The following RPL38 variants were observed in gnomAD, a reference collection of about 807,000 sequenced individuals.
RPL38 encodes large ribosomal subunit protein eL38.
A neutral mutation model predicts 12.8 loss-of-function variants in RPL38; 2 were observed. The observed-to-expected ratio is 0.16, with a 90% confidence interval of 0.06 to 0.49. The LOEUF (loss-of-function observed/expected upper bound fraction) is 0.49, where lower values mean the gene tolerates loss of function less well. Ranked by LOEUF, RPL38 falls within the 20% of genes least tolerant of loss-of-function variation. The pLI is 0.96. For missense variants in RPL38, 52 were observed against 79.8 expected (o/e 0.65, Z 1.33); for synonymous variants, 42 against 30.1 (o/e 1.39, Z -1.29).
At chr17:74,209,766 G>A (rs756252205) in intron 4 of RPL38, 38 bp from the exon 5 acceptor site, 1 of 1,601,670 alleles carries the variant, frequency 6.2e-7, no homozygotes, top group South Asian at 1.1e-5. Flanking sequence ...ACTCAGATGT[G>A]TCTTCTGGAT....
chr17:74,203,935 A>C lies in RPL38; in HGVS notation c.-21A>C. 1 of 1,603,232 alleles carries C rather than the reference A, an allele frequency of 6.2e-7. No individual in the cohort carries two copies. The highest frequency in any genetic ancestry group is 2.2e-5 in the East Asian group (1 of 44,484). On this transcript the variant is annotated 5_prime_UTR_variant, in exon 2 of 5. Coordinates refer to ENST00000311111, the MANE Select transcript of RPL38 (RefSeq NM_000999.4). ...TCCCGCAGGTCCTGGTCCGCGCCAG[A>C]GCCCAGCGCGCCTCGTCGCCATGGT...
intron 3 of RPL38, among the ~76,000 whole-genome samples, chr17:74,208,262 A>G (rs76173742): frequency 0.024 from 3,610 of 152,082 alleles, 166 homozygotes; most frequent in African/African-American, 0.082. Context: ...AGTGGTAACT[A>G]CTCCTGGGAA....
At position 74,203,949 on chromosome 17, in the gene RPL38, C is replaced by T. The variant is rs747297104; in HGVS notation, c.-7C>T. 1.2e-6 allele frequency: 2 copies of T among 1,606,246 alleles called. No individual in the cohort carries two copies. Among genetic ancestry groups the T allele is most frequent in the East Asian group, 2.2e-5 (1 of 44,596 alleles). ...GTCCGCGCCAGAGCCCAGCGCGCCT[C>T]GTCGCCATGGTGAGTACAGTCCCTG... is the stretch of plus-strand genomic sequence containing the variant. On this transcript the variant is annotated 5_prime_UTR_variant, in exon 2 of 5. Transcript: ENST00000311111.
intron 3 of RPL38, among the ~76,000 whole-genome samples, chr17:74,208,216 T>G (rs945614363): frequency 2.0e-5 from 3 of 152,194 alleles, no homozygotes; most frequent in Non-Finnish European, 4.4e-5. Flanking sequence ...GAGCAGTTTT[T>G]AAAGAGTTGG....
At chr17:74,209,683 C>T (rs1273792101) in intron 4 of RPL38, 121 bp from the exon 5 acceptor site, 8 of 846,680 alleles carry the variant, frequency 9.4e-6, no homozygotes, top group Admixed American at 6.3e-5. Flanking sequence ...ACCGAAACTT[C>T]GCTGGTGGAT....
rs1373922011 is a variant in RPL38, at chr17:74,210,123, G to A, written c.*294G>A. On this transcript the variant is annotated 3_prime_UTR_variant, in exon 5 of 5. Transcript: ENST00000311111. The stretch of plus-strand genomic sequence containing the variant: ...CTGCCTCAGCCTCCCGAGTGGCTGG[G>A]ATTACAGGCACACATCACCACGCCT... 1 of 317,988 alleles carries A rather than the reference G, an allele frequency of 3.1e-6. No individual in the cohort carries two copies. The highest frequency in any genetic ancestry group is 5.8e-6 in the Non-Finnish European group (1 of 172,458). The allele number at this position is 317,988 out of a possible 1,614,324, so 19.7% of individuals were successfully genotyped here.
chr17:74,203,806 G>T (rs761147138), intron 1 of RPL38, 61 bp downstream of exon 1: 1 of 998,720 alleles, frequency 1.0e-6, no homozygotes, highest in East Asian at 2.6e-5. Flanking sequence ...CGTGGAGGGT[G>T]TCGGGGAGGA....
At chr17:74,207,698 G>C (rs140446785) in intron 3 of RPL38, among the ~76,000 whole-genome samples, 1 of 151,608 alleles carries the variant, frequency 6.6e-6, no homozygotes, top group East Asian at 2.0e-4. Flanking sequence ...GAGAGACGGG[G>C]TTTCTCCATG....
intron 3 of RPL38, among the ~76,000 whole-genome samples, chr17:74,207,903 A>AT (rs2050129845): frequency 6.6e-6 from 1 of 152,210 alleles, no homozygotes. Context: ...GTTAGTTTGG[A>AT]TGAATATCCA....
chr17:74,207,161 G>T (rs2050122781), intron 3 of RPL38, among the ~76,000 whole-genome samples: 2 of 152,070 alleles, frequency 1.3e-5, no homozygotes, highest in South Asian at 4.2e-4. Context: ...ACAGGCATGC[G>T]CCACCACACC....
chr17:74,209,832 C>G lies in RPL38; in HGVS notation c.*3C>G. ...TGGCAGTGAAGGAACTGAAATGAAC[C>G]AGACACACTGATTGGAACTGTATTA... is the stretch of plus-strand genomic sequence containing the variant. On this transcript the variant is annotated 3_prime_UTR_variant, in exon 5 of 5. Coordinates refer to ENST00000311111, the MANE Select transcript of RPL38 (RefSeq NM_000999.4). 1 of 1,609,014 alleles carries G rather than the reference C, an allele frequency of 6.2e-7. No homozygotes were observed.
chr17:74,204,373 C>G (rs1034386942), intron 3 of RPL38, 183 bp downstream of exon 3: 3 of 604,614 alleles, frequency 5.0e-6, no homozygotes, highest in East Asian at 5.6e-5. Flanking sequence ...CGTTGAGGCC[C>G]TGGAATTTCT....
rs59567781 is a variant in RPL38 at position 74,209,034 on chromosome 17, G to A, written c.65-153G>A. ...AATAAAAGTCCCAAGTTGGAGGAAC[G>A]GGTAATAGTGTTTTCTGTTTGCACA... is the stretch of plus-strand genomic sequence containing the variant. On this transcript the variant is annotated intron_variant, in intron 3 of 4. Coordinates refer to ENST00000311111, the MANE Select transcript of RPL38 (RefSeq NM_000999.4). Among the ~76,000 whole-genome samples, 733 of 152,232 alleles carry A rather than the reference G, an allele frequency of 4.8e-3. 5 individuals are homozygous for A. The highest frequency in any genetic ancestry group is 0.017 in the Middle Eastern group (5 of 294).
chr17:74,208,039 G>A (rs1427170392), intron 3 of RPL38, among the ~76,000 whole-genome samples: 2 of 152,174 alleles, frequency 1.3e-5, no homozygotes, highest in African/African-American at 2.4e-5. Flanking sequence ...TGGAGTTGCC[G>A]AATTGCTAGG....
intron 2 of RPL38, 62 bp downstream of exon 2, chr17:74,204,020 C>T (rs760319915): frequency 1.1e-5 from 18 of 1,612,152 alleles, no homozygotes; most frequent in Admixed American, 6.7e-5. Context: ...GGGGCGAGGG[C>T]GAGAGAGCCT....
chr17:74,209,158 A>G (rs752097278), intron 3 of RPL38, 29 bp from the exon 4 acceptor site: 15 of 1,611,556 alleles, frequency 9.3e-6, no homozygotes, highest in Admixed American at 6.7e-5. Flanking sequence ...CTGTGATACA[A>G]TTTAATTCCT....
chr17:74,209,783 CT>C lies in RPL38; in HGVS notation c.188-17del, dbSNP rs558476008. 6.2e-7 allele frequency: 1 copy of C among 1,611,466 alleles called. No homozygotes were observed. The highest frequency in any genetic ancestry group is 2.2e-5 in the East Asian group (1 of 44,840). On this transcript the variant is annotated intron_variant, in intron 4 of 4. Coordinates refer to ENST00000311111, the MANE Select transcript of RPL38 (RefSeq NM_000999.4). ...TCAGATGTGTCTTCTGGATGGCTTA[CT>C]TTTGTCTCTTTCCCTCTAGGTTTGG...
In RPL38 at chr17:74,206,182, T is replaced by TA. The variant is rs2050111874; in HGVS notation, c.64+1993dup. On this transcript the variant is annotated intron_variant, in intron 3 of 4. Transcript: ENST00000311111. The stretch of plus-strand genomic sequence containing the variant: ...TAGGCATAGCGTAAAAGTTACCATT[T>TA]ACACTGGGTATGGTGGTTCCCATCT... 10 of 152,340 alleles carry TA rather than the reference T, an allele frequency of 6.6e-5. No homozygotes were observed. The South Asian group carries it at 2.1e-3, about 32-fold the overall frequency. 9.4% of individuals were successfully genotyped at this position (152,340 alleles called of 1,614,324 possible).
chr17:74,203,749 A>G lies in RPL38; in HGVS notation c.-39+4A>G, dbSNP rs960388675. ...GGGTGATACGTGGGTGAGAAAGGTA[A>G]TCTGGGGCAATCCACTGCCAGGTGA... On this transcript the variant is annotated splice_donor_region_variant and intron_variant, in intron 1 of 4. Coordinates refer to ENST00000311111, the MANE Select transcript of RPL38 (RefSeq NM_000999.4). The G allele has an allele frequency of 6.5e-6, 4 of 619,262 alleles. No homozygotes were observed. The highest frequency in any genetic ancestry group is 3.7e-5 in the African/African-American group (2 of 53,976). 38.4% of individuals were successfully genotyped at this position (619,262 alleles called of 1,614,324 possible).
Sources: gnomAD v4.1 joint callset for allele counts (sites outside exome capture counted in the v4.1 genomes callset) on GRCh38, gnomAD v4.1.1 for gene constraint, MANE v1.5 for transcripts, NCBI Gene and HGNC (gene_info 2026-07-23, HGNC 2026-07-21) for gene names.